The following EVI5L variants were observed in gnomAD, a reference collection of about 807,000 sequenced individuals.
EVI5L encodes the protein ecotropic viral integration site 5 like, also known as EVI5-like protein.
A neutral mutation model predicts 106.1 loss-of-function variants in EVI5L; 30 were observed. That is an observed-to-expected ratio of 0.28 (90% CI 0.21 to 0.38). EVI5L has a LOEUF of 0.38. Among genes scored for constraint, EVI5L ranks in the 10% least tolerant of loss-of-function variants. The pLI is 1.00. For missense variants in EVI5L, 809 were observed against 1,098.0 expected (o/e 0.74, Z 3.72); for synonymous variants, 489 against 483.3 (o/e 1.01, Z -0.15).
intron 1 of EVI5L, among the ~76,000 whole-genome samples, chr19:7,831,683 CT>C (rs1978294027): frequency 6.6e-6 from 1 of 152,276 alleles, no homozygotes; most frequent in Non-Finnish European, 1.5e-5. Flanking sequence ...TGCCCGCCCC[CT>C]GATTTATGCC....
In EVI5L at chr19:7,856,605, C is replaced by G. The variant is rs1016581921; in HGVS notation, c.1201-487C>G. 1.3e-5 allele frequency among the ~76,000 whole-genome samples: 2 copies of G among 152,076 alleles called. No homozygotes were observed. The highest frequency in any genetic ancestry group is 2.9e-5 in the Non-Finnish European group (2 of 68,008). On this transcript the variant is annotated intron_variant, in intron 11 of 19. Transcript: ENST00000538904. The surrounding 1 kb of genome is among the most constrained non-coding windows in gnomAD (Gnocchi z 6.6). ...GGGAGCCCCCAATTCCTGCTCCTCA[C>G]TCGTCCTCACTTGACCCTCCACTGG...
intron 1 of EVI5L, among the ~76,000 whole-genome samples, chr19:7,840,668 C>T (rs933371056): frequency 6.8e-6 from 1 of 146,694 alleles, no homozygotes; most frequent in Non-Finnish European, 1.5e-5. Context: ...CACTTTCTGT[C>T]TCTATGGATT....
rs992580385 is a variant in EVI5L, at chr19:7,863,842, G to A, written c.*140G>A. ...GGCCACCCCTAAAGCGAGGCCCGGC[G>A]AGGCAGCGCAGAGGGTAGGGTCCGA... On this transcript the variant is annotated 3_prime_UTR_variant, in exon 20 of 20. Coordinates refer to ENST00000538904, the MANE Select transcript of EVI5L (RefSeq NM_001159944.3). This position sits in a 1 kb window ranked among gnomAD's most constrained non-coding sequence, Gnocchi z 7.7. 4.1e-6 allele frequency: 5 copies of A among 1,227,762 alleles called. No homozygotes were observed. The highest frequency in any genetic ancestry group is 5.4e-6 in the Non-Finnish European group (5 of 925,352). The allele number at this position is 1,227,762 out of a possible 1,614,324, so 76.1% of individuals were successfully genotyped here. A position where few individuals can be genotyped will look rare whatever the true frequency, so the allele number is the denominator to read the frequency against.
chr19:7,849,862 C>A, intron 5 of EVI5L, 135 bp from the exon 6 acceptor site: 1 of 700,098 alleles, frequency 1.4e-6, no homozygotes, highest in Non-Finnish European at 2.4e-6. Flanking sequence ...CAGGGACCAA[C>A]AGTGTGTCAT....
In EVI5L at chr19:7,846,645, C is replaced by A; in HGVS notation, c.103C>A (p.Leu35Met). ...CTCCGAGAACCTCAGCCCCGATGAG[C>A]TGGAGCTGCTGGCCAAGCTCGAAGA... Reference protein sequence around the residue: ...SDSENLSPDELELLAKLEEQN... With the variant: ...SDSENLSPDEMELLAKLEEQN... Residue 35 changes from leucine to methionine, a missense_variant, in exon 2 of 20, where the codon CTG (leucine) becomes ATG (methionine). By Grantham distance (15) the Leu-to-Met change is conservative (BLOSUM62 2). Around this residue, in one of 2 missense-constraint regions of EVI5L, gnomAD observed 357 missense variants for 588.1 expected, o/e 0.61. Transcript: ENST00000538904. 1 of 1,613,534 alleles carries A rather than the reference C, an allele frequency of 6.2e-7. No individual in the cohort carries two copies. The highest frequency in any genetic ancestry group is 8.5e-7 in the Non-Finnish European group (1 of 1,179,856).
At position 7,858,270 on chromosome 19, in the gene EVI5L, G is replaced by C. The variant is rs774588716; in HGVS notation, c.1313G>C (p.Ser438Thr). The C allele has an allele frequency of 1.9e-6, 3 of 1,554,090 alleles. No homozygotes were observed. Among genetic ancestry groups the C allele is most frequent in the Non-Finnish European group, 1.7e-6 (2 of 1,149,242 alleles). ...RELAVVRQQC[S>T]SAAEDLQKAQ... ...CTGGCGGTGGTGCGGCAGCAGTGCAGCTCGGCGGCCGAGGACCTGCAGAAG... is the reference window on the plus strand; with the variant it reads ...CTGGCGGTGGTGCGGCAGCAGTGCACCTCGGCGGCCGAGGACCTGCAGAAG... The change falls in exon 13 of 20, where the codon AGC becomes ACC. Residue 438 changes from serine (S) to threonine (T), a missense_variant. By Grantham distance (58) the Ser-to-Thr change is moderately conservative (BLOSUM62 1). This residue lies in a region of EVI5L where 452 missense variants were observed against 509.9 expected (regional missense o/e 0.89). Coordinates refer to ENST00000538904, the MANE Select transcript of EVI5L (RefSeq NM_001159944.3). This position sits in a 1 kb window ranked among gnomAD's most constrained non-coding sequence, Gnocchi z 5.7.
chr19:7,861,957 A>G lies in EVI5L; in HGVS notation c.1583A>G (p.Gln528Arg). The part of the protein sequence containing the change: ...ELKALKVREG[Q>R]AVASTRELKL... ...AAGGCGCTCAAGGTGCGGGAAGGCC[A>G]GGCGGTGGCCTCGACGCGAGAGCTT... Residue 528 changes from glutamine to arginine, a missense_variant, in exon 15 of 20, where the codon CAG becomes CGG. By Grantham distance (43) the Gln-to-Arg change is conservative. Around this residue, in one of 2 missense-constraint regions of EVI5L, gnomAD observed 452 missense variants for 509.9 expected, o/e 0.89. Coordinates refer to ENST00000538904, the MANE Select transcript of EVI5L (RefSeq NM_001159944.3). 6.5e-7 allele frequency: 1 copy of G among 1,550,026 alleles called. No homozygotes were observed. The highest frequency in any genetic ancestry group is 8.7e-7 in the Non-Finnish European group (1 of 1,146,882).
chr19:7,847,364 G>A (rs1979000599), intron 2 of EVI5L, among the ~76,000 whole-genome samples: 1 of 152,116 alleles, frequency 6.6e-6, no homozygotes, highest in Non-Finnish European at 1.5e-5. Flanking sequence ...GAGGCAGGTG[G>A]ATCACCTGAG....
At chr19:7,862,737 A>AC (rs1410815818) in intron 17 of EVI5L, among the ~76,000 whole-genome samples, 123 of 23,302 alleles carry the variant, frequency 5.3e-3, no homozygotes, top group Admixed American at 0.01. Flanking sequence ...CCGCCTCCTG[A>AC]CCACCCCCCC....
Position 7,862,199 on chromosome 19 carries a change from G to A in EVI5L, c.1722G>A (p.Met574Ile), listed in dbSNP as rs778253263. 2.0e-5 allele frequency: 31 copies of A among 1,575,996 alleles called. No individual in the cohort carries two copies. Among genetic ancestry groups the A allele is most frequent in the African/African-American group, 2.7e-5 (2 of 74,498 alleles). The change falls in exon 16 of 20, where the codon ATG (methionine) becomes ATA (isoleucine). Residue 574 changes from methionine (M) to isoleucine (I), a missense_variant. By Grantham distance (10) the Met-to-Ile change is conservative (BLOSUM62 1). Transcript: ENST00000538904. Reference protein sequence around the residue: ...LVVGELQDELMSVRLREAQAL... With the variant: ...LVVGELQDELISVRLREAQAL... ...TGGGCGAGCTGCAGGACGAGCTGATGAGCGTGCGTCTGCGCGAGGCCCAGG... is the reference window on the plus strand; with the variant it reads ...TGGGCGAGCTGCAGGACGAGCTGATAAGCGTGCGTCTGCGCGAGGCCCAGG...
At chr19:7,843,507 ATGAG>A (rs1040862424) in intron 1 of EVI5L, among the ~76,000 whole-genome samples, 3 of 79,316 alleles carry the variant, frequency 3.8e-5, no homozygotes, top group East Asian at 4.7e-4. Context: ...GTATAGGTGT[ATGAG>A]TGTGTGTGAG....
chr19:7,856,907 C>T lies in EVI5L; in HGVS notation c.1201-185C>T. ...ACCCCTCTCCAGGACGGAGCTGGCT[C>T]TAGCTTTGGTCTTCCTCCGGGTCCT... On this transcript the variant is annotated intron_variant, in intron 11 of 19. Transcript: ENST00000538904. The surrounding 1 kb of genome is among the most constrained non-coding windows in gnomAD (Gnocchi z 6.6). 1 of 726,744 alleles carries T rather than the reference C, an allele frequency of 1.4e-6. No individual in the cohort carries two copies. The highest frequency in any genetic ancestry group is 1.7e-5 in the African/African-American group (1 of 57,776). The allele number at this position is 726,744 out of a possible 1,614,324, so 45.0% of individuals were successfully genotyped here. A position where few individuals can be genotyped will look rare whatever the true frequency, so the allele number is the denominator to read the frequency against.
chr19:7,849,526 C>T (rs566864623), intron 5 of EVI5L, among the ~76,000 whole-genome samples, 196 bp downstream of exon 5: 13 of 152,376 alleles, frequency 8.5e-5, no homozygotes, highest in Middle Eastern at 6.8e-3. Context: ...TGGTTGGGTC[C>T]TGTCTGCTGT....
chr19:7,861,112 C>T (rs1246693215), intron 14 of EVI5L, among the ~76,000 whole-genome samples: 2 of 152,142 alleles, frequency 1.3e-5, no homozygotes, highest in Admixed American at 1.3e-4. Context: ...GCATCGACTC[C>T]ACTCTCCCAC....
chr19:7,857,318 G>T lies in EVI5L; in HGVS notation c.1233+194G>T. ...GCGGGGCATGTGAAGTGGGGAGAAG[G>T]GTGTGTGTGGAGGGGCTGTGAGTGC... On this transcript the variant is annotated intron_variant, in intron 12 of 19. Transcript: ENST00000538904. The surrounding 1 kb of genome is among the most constrained non-coding windows in gnomAD (Gnocchi z 4.5). 1 of 697,708 alleles carries T rather than the reference G, an allele frequency of 1.4e-6. No homozygotes were observed. Among genetic ancestry groups the T allele is most frequent in the Non-Finnish European group, 2.5e-6 (1 of 404,254 alleles). 43.2% of individuals were successfully genotyped at this position (697,708 alleles called of 1,614,324 possible).
Position 7,863,321 on chromosome 19 carries a change from GTCGGCCTGGGACGA to G in EVI5L, c.2139+42_2139+55del, listed in dbSNP as rs1484932317. 1.6e-5 allele frequency: 25 copies of G among 1,548,210 alleles called. No individual in the cohort carries two copies. The highest frequency in any genetic ancestry group is 4.9e-5 in the East Asian group (2 of 40,942). ...GATGCCGGGGACAGGCCTGGGTGTCGTCGGCCTGGGACGAGCCGAGCGCAGGTGCCTTGCGGAGG... is the reference window on the plus strand; with the variant it reads ...GATGCCGGGGACAGGCCTGGGTGTCGGCCGAGCGCAGGTGCCTTGCGGAGG... On this transcript the variant is annotated intron_variant, in intron 19 of 19. Coordinates refer to ENST00000538904, the MANE Select transcript of EVI5L (RefSeq NM_001159944.3). This position sits in a 1 kb window ranked among gnomAD's most constrained non-coding sequence, Gnocchi z 7.7.
In EVI5L at chr19:7,845,986, G is replaced by A. The variant is rs1440225819; in HGVS notation, c.-47-510G>A. Among the ~76,000 whole-genome samples the A allele has an allele frequency of 2.6e-5, 4 of 152,222 alleles. No homozygotes were observed. The highest frequency in any genetic ancestry group is 4.4e-5 in the Non-Finnish European group (3 of 68,042). On this transcript the variant is annotated intron_variant, in intron 1 of 19. Transcript: ENST00000538904. This position sits in a 1 kb window ranked among gnomAD's most constrained non-coding sequence, Gnocchi z 4.0. Reference sequence around the variant, plus strand: ...CAGTCGAAAGTAATTGCTCTTGGCCGTGCCAGCAGCCCACTTTGGTTGATG... The same window carrying A: ...CAGTCGAAAGTAATTGCTCTTGGCCATGCCAGCAGCCCACTTTGGTTGATG...
At chr19:7,854,942 CTG>C (rs981675288) in intron 10 of EVI5L, among the ~76,000 whole-genome samples, 1 of 152,102 alleles carries the variant, frequency 6.6e-6, no homozygotes, top group Non-Finnish European at 1.5e-5. Context: ...AGGAAATATT[CTG>C]TGTGACCTGC....
Position 7,848,037 on chromosome 19 carries a change from A to G in EVI5L, c.327+116A>G, listed in dbSNP as rs1212811560. The G allele has an allele frequency of 3.5e-6, 4 of 1,134,792 alleles. No homozygotes were observed. Among genetic ancestry groups the G allele is most frequent in the Non-Finnish European group, 4.9e-6 (4 of 819,344 alleles). The allele number at this position is 1,134,792 out of a possible 1,614,324, so 70.3% of individuals were successfully genotyped here. On this transcript the variant is annotated intron_variant, in intron 3 of 19. Transcript: ENST00000538904. This position sits in a 1 kb window ranked among gnomAD's most constrained non-coding sequence, Gnocchi z 4.8. The stretch of plus-strand genomic sequence containing the variant: ...GCCCCAGCCTGGGCACAGCGGCAGC[A>G]GTGGAGATGTGCAGGCACTTTCAGG...
Sources: gnomAD v4.1 joint callset for allele counts (sites outside exome capture counted in the v4.1 genomes callset) on GRCh38, gnomAD v4.1.1 for gene constraint, gnomAD v4.1.1 regional missense constraint, Gnocchi (gnomAD v3.1) non-coding constraint, MANE v1.5 for transcripts, NCBI Gene and HGNC (gene_info 2026-07-23, HGNC 2026-07-21) for gene names.